Variants in RBFOX1 observed in about 807,000 individuals in gnomAD.
The protein encoded by RBFOX1 is RNA binding fox-1 homolog 1.
RBFOX1 carries 8 observed loss-of-function variants against 57.7 expected under a neutral mutation model. The ratio of observed to expected loss-of-function variants is 0.14; its 90% CI spans 0.08 to 0.25. The LOEUF is 0.25. RBFOX1 is among the 10% of genes least tolerant of loss of function. The pLI, the probability that RBFOX1 is intolerant of heterozygous loss-of-function variation, is 1.00. For synonymous variants in RBFOX1, 326 were observed against 222.4 expected, an observed-to-expected ratio of 1.47 and a Z score of -4.15; for missense variants, 611 against 548.5, an observed-to-expected ratio of 1.11 and a Z score of -1.14.
intron 3 of RBFOX1, among the ~76,000 whole-genome samples, chr16:7,003,734 G>A (rs1440204989): frequency 1.3e-5 from 2 of 152,016 alleles, no homozygotes; most frequent in African/African-American, 2.4e-5. Context: ...AAGTTAGTAT[G>A]TATTAGAAAA....
At chr16:7,675,100 C>A (rs1385494492) in intron 13 of RBFOX1, among the ~76,000 whole-genome samples, 1 of 152,098 alleles carries the variant, frequency 6.6e-6, no homozygotes, top group Non-Finnish European at 1.5e-5. Flanking sequence ...AGTTCTAGCC[C>A]CTCCCTACCT....
chr16:5,664,412 G>T (rs2049763415), intron 3 of RBFOX1, among the ~76,000 whole-genome samples: 1 of 152,162 alleles, frequency 6.6e-6, no homozygotes. Flanking sequence ...GCTGGGCACG[G>T]TGGTGTGTGC....
chr16:7,441,819 C>CA (rs1281187573), intron 4 of RBFOX1, among the ~76,000 whole-genome samples: 1 of 152,170 alleles, frequency 6.6e-6, no homozygotes, highest in Non-Finnish European at 1.5e-5. Context: ...ACTCAGGACT[C>CA]ACCTTCGCCC....
intron 4 of RBFOX1, among the ~76,000 whole-genome samples, chr16:7,099,819 T>A: frequency 6.6e-6 from 1 of 152,162 alleles, no homozygotes; most frequent in South Asian, 2.1e-4. Context: ...ATGTGTGGGT[T>A]TCAATAAAGG....
chr16:5,525,793 C>T (rs1195357828), intron 2 of RBFOX1, among the ~76,000 whole-genome samples: 7 of 152,026 alleles, frequency 4.6e-5, no homozygotes, highest in Non-Finnish European at 1.0e-4. Context: ...CCACTGTGTC[C>T]AGCCTAGAGC....
intron 1 of RBFOX1, among the ~76,000 whole-genome samples, chr16:5,260,182 G>A (rs2062699236): frequency 6.6e-6 from 1 of 152,076 alleles, no homozygotes; most frequent in Non-Finnish European, 1.5e-5. Flanking sequence ...TGTGGGTGAC[G>A]ATTGTTTAAC....
intron 1 of RBFOX1, among the ~76,000 whole-genome samples, chr16:5,426,856 G>A (rs532699): frequency 2.6e-5 from 4 of 151,928 alleles, no homozygotes; most frequent in Non-Finnish European, 5.9e-5. Flanking sequence ...GTTAAACAAC[G>A]CAGTGATGCA....
chr16:5,873,323 G>A (rs2057524411), intron 4 of RBFOX1, among the ~76,000 whole-genome samples: 1 of 152,136 alleles, frequency 6.6e-6, no homozygotes, highest in African/African-American at 2.4e-5. Context: ...AATTCACATT[G>A]GAGTTAATGG....
At chr16:6,711,263 G>C (rs1221664272) in intron 3 of RBFOX1, among the ~76,000 whole-genome samples, 1 of 151,942 alleles carries the variant, frequency 6.6e-6, no homozygotes, top group Non-Finnish European at 1.5e-5. Flanking sequence ...TCACTGTTTT[G>C]TCTCCACACG....
intron 2 of RBFOX1, among the ~76,000 whole-genome samples, chr16:5,497,118 A>G (rs915535033): frequency 6.6e-6 from 1 of 152,250 alleles, no homozygotes; most frequent in East Asian, 1.9e-4. Context: ...AGAGCCTGAA[A>G]TGGTTTTATA....
In RBFOX1 at chr16:5,339,388, A is replaced by C. The variant is rs114958329; in HGVS notation, c.219+99283A>C. On this transcript the variant is annotated intron_variant, in intron 1 of 2. Transcript: ENST00000585867. ...AACCAAACTGGCCTTAACAAAGGCA[A>C]TGGTCCTTATGAGACCAAACTCATG... 7.0e-3 allele frequency among the ~76,000 whole-genome samples: 1,060 copies of C among 150,856 alleles called. 17 individuals carry two copies. The highest frequency in any genetic ancestry group is 0.024 in the African/African-American group (1,008 of 41,268).
chr16:6,091,316 A>G (rs901149027), intron 1 of RBFOX1, among the ~76,000 whole-genome samples: 3 of 152,138 alleles, frequency 2.0e-5, no homozygotes, highest in African/African-American at 4.8e-5. Flanking sequence ...TTTAAAAGCT[A>G]TTTCGTCAGA....
chr16:6,671,111 G>A (rs910229547), intron 3 of RBFOX1, among the ~76,000 whole-genome samples: 40 of 152,250 alleles, frequency 2.6e-4, no homozygotes, highest in African/African-American at 9.1e-4. Context: ...TATTTCTTTT[G>A]ACCCAATCTT....
At chr16:6,241,763 G>C (rs1243512402) in intron 1 of RBFOX1, among the ~76,000 whole-genome samples, 2 of 152,212 alleles carry the variant, frequency 1.3e-5, no homozygotes, top group Non-Finnish European at 2.9e-5. Context: ...TGTATTAAAT[G>C]AGTGTTTCAA....
chr16:5,443,879 C>T (rs140226218), intron 1 of RBFOX1, among the ~76,000 whole-genome samples: 3 of 152,100 alleles, frequency 2.0e-5, no homozygotes, highest in Non-Finnish European at 4.4e-5. Flanking sequence ...CTTTTTAAAG[C>T]TTGACTCTGG....
intron 1 of RBFOX1, among the ~76,000 whole-genome samples, chr16:6,285,001 T>G (rs1451336412): frequency 6.6e-6 from 1 of 152,138 alleles, no homozygotes; most frequent in Non-Finnish European, 1.5e-5. Context: ...AACAAGGGCT[T>G]CAAAGAAACA....
intron 13 of RBFOX1, among the ~76,000 whole-genome samples, chr16:7,667,462 C>T (rs1306544379): frequency 2.0e-5 from 3 of 152,298 alleles, no homozygotes; most frequent in Middle Eastern, 3.4e-3. Context: ...CCAGCATGTT[C>T]TGATGAGTGG....
At chr16:5,875,283 A>G (rs2057576286) in intron 4 of RBFOX1, among the ~76,000 whole-genome samples, 2 of 152,184 alleles carry the variant, frequency 1.3e-5, no homozygotes, top group African/African-American at 2.4e-5. Context: ...AGGTTGGCCA[A>G]ACTTACTCAA....
chr16:6,334,501 G>A (rs1325814502), intron 2 of RBFOX1, among the ~76,000 whole-genome samples: 5 of 90,142 alleles, frequency 5.5e-5, no homozygotes, highest in Non-Finnish European at 1.0e-4. Context: ...GAGCAAGATA[G>A]CATCTCAAAA....
Sources: gnomAD v4.1 joint callset for allele counts (sites outside exome capture counted in the v4.1 genomes callset) on GRCh38, gnomAD v4.1.1 for gene constraint, MANE v1.5 for transcripts, NCBI Gene and HGNC (gene_info 2026-07-23, HGNC 2026-07-21) for gene names.